Variants in EYS observed in about 807,000 individuals in gnomAD.
EYS encodes protein eyes shut homolog.
Under a neutral mutation model 282.1 loss-of-function variants are expected in EYS, and 250 were observed. That is an observed-to-expected ratio of 0.89 (90% confidence interval 0.80 to 0.98). The LOEUF (loss-of-function observed/expected upper bound fraction) is 0.98, where lower values mean the gene tolerates loss of function less well. Ranked by LOEUF, EYS falls within the 50% of genes least tolerant of loss-of-function variation. The pLI, the probability that EYS is intolerant of heterozygous loss-of-function variation, is 0.00. For synonymous variants in EYS, 1,355 were observed against 1,282.9 expected (o/e 1.06, Z -1.20); for missense variants, 4,016 against 3,709.0 (o/e 1.08, Z -2.15).
chr6:64,330,219 G>A (rs1432664089), intron 29 of EYS, among the ~76,000 whole-genome samples: 1 of 152,216 alleles, frequency 6.6e-6, no homozygotes, highest in Admixed American at 6.5e-5. Flanking sequence ...TGTGGCCAAA[G>A]AGCAAGGTAT....
At chr6:63,992,206 C>G (rs1450416318) in intron 34 of EYS, among the ~76,000 whole-genome samples, 1 of 151,740 alleles carries the variant, frequency 6.6e-6, no homozygotes, top group African/African-American at 2.4e-5. Flanking sequence ...TACTGTAATA[C>G]TGTAATCATG....
chr6:64,647,667 T>C, intron 22 of EYS, among the ~76,000 whole-genome samples: 1 of 152,288 alleles, frequency 6.6e-6, no homozygotes, highest in South Asian at 2.1e-4. Flanking sequence ...ATTGTTTCTA[T>C]AGTCAGAAAA....
intron 2 of EYS, among the ~76,000 whole-genome samples, chr6:65,621,904 TTAAC>T (rs1179540808): frequency 6.6e-6 from 1 of 152,206 alleles, no homozygotes; most frequent in Non-Finnish European, 1.5e-5. Context: ...AGTGAGTTAA[TTAAC>T]AGGTGTTTAT....
chr6:64,518,636 G>A (rs1360553029), intron 26 of EYS, among the ~76,000 whole-genome samples: 2 of 151,610 alleles, frequency 1.3e-5, no homozygotes, highest in Non-Finnish European at 2.9e-5. Flanking sequence ...CGTCCCCACC[G>A]AAATCTCATC....
intron 11 of EYS, among the ~76,000 whole-genome samples, chr6:65,322,790 C>T (rs909844914): frequency 4.6e-5 from 6 of 129,052 alleles, no homozygotes; most frequent in Non-Finnish European, 9.4e-5. Flanking sequence ...AGCAAGAATC[C>T]GTCTCAAAAA....
chr6:64,346,441 C>T (rs538107621), intron 29 of EYS, among the ~76,000 whole-genome samples: 50 of 151,866 alleles, frequency 3.3e-4, no homozygotes, highest in Middle Eastern at 3.4e-3. Context: ...TCTCAGCAAA[C>T]TATCACAAGG....
chr6:64,746,004 A>G (rs569976410), intron 22 of EYS, among the ~76,000 whole-genome samples: 1 of 152,288 alleles, frequency 6.6e-6, no homozygotes, highest in South Asian at 2.1e-4. Context: ...CTGCTGGGAT[A>G]TAAGAAGAAA....
chr6:63,966,961 T>C (rs1250198712), intron 35 of EYS, among the ~76,000 whole-genome samples: 5 of 152,202 alleles, frequency 3.3e-5, no homozygotes, highest in Non-Finnish European at 7.4e-5. Flanking sequence ...TATATGTATA[T>C]ATATTTTCCT....
intron 34 of EYS, among the ~76,000 whole-genome samples, chr6:63,993,036 G>A (rs1472630753): frequency 2.0e-5 from 3 of 151,692 alleles, no homozygotes; most frequent in Non-Finnish European, 3.0e-5. Context: ...TTACAAGGCC[G>A]CAGGAAGGAG....
intron 26 of EYS, among the ~76,000 whole-genome samples, chr6:64,554,689 A>G (rs993086549): frequency 2.6e-5 from 4 of 152,034 alleles, no homozygotes; most frequent in African/African-American, 7.2e-5. Context: ...AACAATAAGG[A>G]AACAAATGAC....
At chr6:64,394,748 A>G (rs1773296689) in intron 28 of EYS, among the ~76,000 whole-genome samples, 1 of 152,034 alleles carries the variant, frequency 6.6e-6, no homozygotes, top group South Asian at 2.1e-4. Context: ...AAAACACCAA[A>G]AGCAATGGCA....
At chr6:65,294,408 T>C (rs1446254149) in intron 12 of EYS, among the ~76,000 whole-genome samples, 1 of 151,928 alleles carries the variant, frequency 6.6e-6, no homozygotes, top group African/African-American at 2.4e-5. Context: ...GAAGCTTGTG[T>C]TGGGTTTAAT....
intron 26 of EYS, among the ~76,000 whole-genome samples, chr6:64,563,442 T>C (rs961541210): frequency 2.0e-5 from 3 of 152,102 alleles, no homozygotes; most frequent in African/African-American, 4.8e-5. Flanking sequence ...AAATCTCATG[T>C]ATTCAAAATT....
chr6:63,849,504 A>T (rs1216576051), intron 36 of EYS, among the ~76,000 whole-genome samples: 1 of 152,204 alleles, frequency 6.6e-6, no homozygotes, highest in African/African-American at 2.4e-5. Context: ...ACTATTCTGC[A>T]GACTCCACTG....
Position 65,183,037 on chromosome 6 carries a change from T to C in EYS, c.2023+112826A>G, listed in dbSNP as rs549016278. Among the ~76,000 whole-genome samples the C allele has an allele frequency of 2.5e-3, 374 of 152,094 alleles. 4 individuals are homozygous for C. Among genetic ancestry groups the C allele is most frequent in the Non-Finnish European group, 4.1e-3 (278 of 67,916 alleles). ...AACTCCTGAGCTCAAGCAATCTTCC[T>C]GCTGTGGCCTTGAAAACTGCTGGGA... On this transcript the variant is annotated intron_variant, in intron 12 of 42. Coordinates refer to ENST00000503581, the MANE Select transcript of EYS (RefSeq NM_001142800.2).
intron 36 of EYS, among the ~76,000 whole-genome samples, chr6:63,863,690 T>TTC (rs1772600406): frequency 7.5e-6 from 1 of 132,618 alleles, no homozygotes; most frequent in Non-Finnish European, 1.6e-5. Context: ...TTTTTTTTTT[T>TTC]TTTGAGATGG....
At chr6:63,869,333 G>A (rs957316788) in intron 35 of EYS, among the ~76,000 whole-genome samples, 6 of 152,026 alleles carry the variant, frequency 3.9e-5, no homozygotes, top group East Asian at 1.9e-4. Flanking sequence ...GGAATATATG[G>A]TATAATCTCT....
chr6:64,292,083 T>C (rs1439598390), intron 30 of EYS, among the ~76,000 whole-genome samples: 2 of 152,112 alleles, frequency 1.3e-5, no homozygotes, highest in Admixed American at 6.6e-5. Flanking sequence ...ATTATGTCAG[T>C]AGTAAGCAAC....
In EYS at chr6:64,856,943, T is replaced by G. The variant is rs1766083220; in HGVS notation, c.2992+29754A>C. Among the ~76,000 whole-genome samples the G allele has an allele frequency of 3.9e-5, 6 of 152,188 alleles. 1 individual carries two copies. Among genetic ancestry groups the G allele is most frequent in the Admixed American group, 3.3e-4 (5 of 15,280 alleles). The stretch of plus-strand genomic sequence containing the variant: ...GTTTTACATTTAGATCTATAATTCT[T>G]TATGAGTTAATCTTTAGAAAATATG... On this transcript the variant is annotated intron_variant, in intron 19 of 42. Coordinates refer to ENST00000503581, the MANE Select transcript of EYS (RefSeq NM_001142800.2).
Sources: allele counts gnomAD v4.1 joint callset (sites outside exome capture counted in the v4.1 genomes callset), GRCh38; gene constraint gnomAD v4.1.1; transcripts MANE v1.5; gene names NCBI Gene and HGNC (gene_info 2026-07-23, HGNC 2026-07-21).